Variants in PARD3B observed in about 807,000 individuals in gnomAD.
PARD3B encodes partitioning defective 3 homolog B.
PARD3B carries 103 observed loss-of-function variants against 130.2 expected under a neutral mutation model. The ratio of observed to expected loss-of-function variants is 0.79; its 90% CI spans 0.67 to 0.93. The LOEUF (loss-of-function observed/expected upper bound fraction) is 0.93, where lower values mean the gene tolerates loss of function less well. Ranked by LOEUF, PARD3B falls within the 40% of genes least tolerant of loss-of-function variation. The probability of loss-of-function intolerance (pLI) is 0.00; values close to 1 mark genes in which losing one functional copy is unlikely to be tolerated. For synonymous variants in PARD3B, 583 were observed against 553.2 expected (o/e 1.05, Z -0.76); for missense variants, 1,609 against 1,499.2 (o/e 1.07, Z -1.21).
At chr2:204,957,043 A>T (rs536008838) in intron 2 of PARD3B, among the ~76,000 whole-genome samples, 1 of 152,220 alleles carries the variant, frequency 6.6e-6, no homozygotes, top group Non-Finnish European at 1.5e-5. Flanking sequence ...TGTGTATTAG[A>T]TGTGAGTCGT....
intron 21 of PARD3B, among the ~76,000 whole-genome samples, chr2:205,513,604 A>G (rs939110280): frequency 6.6e-6 from 1 of 152,112 alleles, no homozygotes; most frequent in African/African-American, 2.4e-5. Flanking sequence ...ATTTTCACGT[A>G]TGTTCTGTCA....
At chr2:204,731,252 T>C (rs2039495088) in intron 2 of PARD3B, among the ~76,000 whole-genome samples, 1 of 152,232 alleles carries the variant, frequency 6.6e-6, no homozygotes, top group South Asian at 2.1e-4. Context: ...TCTTATTTAT[T>C]GTGGATTCCC....
intron 20 of PARD3B, among the ~76,000 whole-genome samples, chr2:205,497,233 G>A (rs372512514): frequency 3.5e-4 from 52 of 149,842 alleles, no homozygotes; most frequent in African/African-American, 1.2e-3. Context: ...AGAAAGGTAC[G>A]TGATTCCCAA....
intron 20 of PARD3B, among the ~76,000 whole-genome samples, chr2:205,491,809 C>T (rs2049726158): frequency 6.6e-6 from 1 of 152,164 alleles, no homozygotes; most frequent in Admixed American, 6.6e-5. Context: ...GACAAAAGGT[C>T]AGCCTCAGGT....
At chr2:205,388,281 G>T (rs939781956) in intron 18 of PARD3B, among the ~76,000 whole-genome samples, 5 of 152,204 alleles carry the variant, frequency 3.3e-5, no homozygotes, top group Admixed American at 2.0e-4. Context: ...TTCTGCATCT[G>T]CAGGAATTAC....
chr2:205,579,386 A>G (rs775817402), intron 22 of PARD3B, among the ~76,000 whole-genome samples: 4 of 152,158 alleles, frequency 2.6e-5, no homozygotes, highest in Non-Finnish European at 1.5e-5. Context: ...GTACCTTTCC[A>G]GTATCAGTTT....
At chr2:205,221,848 A>G (rs2038256211) in intron 15 of PARD3B, among the ~76,000 whole-genome samples, 1 of 152,142 alleles carries the variant, frequency 6.6e-6, no homozygotes, top group African/African-American at 2.4e-5. Flanking sequence ...GTGAGACTCT[A>G]AACAACTTAT....
intron 2 of PARD3B, among the ~76,000 whole-genome samples, chr2:204,838,451 T>G (rs13393275): frequency 0.18 from 26,687 of 151,612 alleles, 3,868 homozygotes; most frequent in African/African-American, 0.4. Flanking sequence ...CTGACCTCAG[T>G]TGATCCACCT....
At chr2:205,348,366 A>T (rs2043872009) in intron 18 of PARD3B, among the ~76,000 whole-genome samples, 1 of 152,238 alleles carries the variant, frequency 6.6e-6, no homozygotes, top group African/African-American at 2.4e-5. Flanking sequence ...CAACATGTGC[A>T]AAATCCATTC....
chr2:205,493,683 A>C (rs1575158129), intron 20 of PARD3B, among the ~76,000 whole-genome samples: 1 of 151,864 alleles, frequency 6.6e-6, no homozygotes, highest in East Asian at 1.9e-4. Flanking sequence ...ATTCCTGTTA[A>C]AGTTACAGGC....
intron 1 of PARD3B, among the ~76,000 whole-genome samples, chr2:204,584,898 A>G (rs1321007728): frequency 6.6e-6 from 1 of 152,232 alleles, no homozygotes; most frequent in African/African-American, 2.4e-5. Context: ...TTGAAAAGGC[A>G]AACTCCAAAT....
chr2:205,219,932 C>T (rs2038151542), intron 15 of PARD3B, among the ~76,000 whole-genome samples: 1 of 152,134 alleles, frequency 6.6e-6, no homozygotes, highest in Non-Finnish European at 1.5e-5. Context: ...TTACTTGTCA[C>T]GTTTGTAGGA....
chr2:205,223,313 T>G (rs10194988), intron 15 of PARD3B, among the ~76,000 whole-genome samples: 37,147 of 151,980 alleles, frequency 0.24, 5,177 homozygotes, highest in East Asian at 0.38. Flanking sequence ...CTTAGAAAAA[T>G]TATGAAAGTG....
intron 2 of PARD3B, among the ~76,000 whole-genome samples, chr2:204,705,267 T>C (rs563224070): frequency 6.6e-6 from 1 of 152,272 alleles, no homozygotes; most frequent in South Asian, 2.1e-4. Flanking sequence ...AGGGTCTCCC[T>C]TCATGAAGCC....
At chr2:205,080,921 A>T (rs140423062) in intron 4 of PARD3B, among the ~76,000 whole-genome samples, 4 of 152,026 alleles carry the variant, frequency 2.6e-5, no homozygotes, top group Non-Finnish European at 4.4e-5. Flanking sequence ...TGTTTATTTT[A>T]TGAAGACTTA....
At chr2:205,216,897 A>G (rs2037942610) in intron 15 of PARD3B, among the ~76,000 whole-genome samples, 1 of 152,156 alleles carries the variant, frequency 6.6e-6, no homozygotes, top group South Asian at 2.1e-4. Flanking sequence ...TGAAGGTACC[A>G]GAGGCCTAGG....
Position 205,550,970 on chromosome 2 carries a change from TATATATAC to T in PARD3B, c.3181-2352_3181-2345del, listed in dbSNP as rs1311677935. ...ATATATATGTGTATATATATATATA[TATATATAC>T]ACACACACACACACACACACACACA... On this transcript the variant is annotated intron_variant, in intron 21 of 22. Coordinates refer to ENST00000406610, the MANE Select transcript of PARD3B (RefSeq NM_001302769.2). The surrounding 1 kb of genome is among the most constrained non-coding windows in gnomAD (Gnocchi z 4.5). 6.7e-5 allele frequency among the ~76,000 whole-genome samples: 7 copies of T among 104,882 alleles called. No homozygotes were observed. The highest frequency in any genetic ancestry group is 2.3e-4 in the African/African-American group (7 of 30,776). 68.8% of individuals were successfully genotyped at this position (104,882 alleles called of 152,430 possible). A position where few individuals can be genotyped will look rare whatever the true frequency, so the allele number is the denominator to read the frequency against.
At position 205,473,694 on chromosome 2, in the gene PARD3B, A is replaced by ATATG. The variant is rs2048924639; in HGVS notation, c.3045-26199_3045-26198insGTAT. Among the ~76,000 whole-genome samples, 1 of 138,728 alleles carries ATATG rather than the reference A, an allele frequency of 7.2e-6. No homozygotes were observed. The highest frequency in any genetic ancestry group is 2.9e-5 in the African/African-American group (1 of 34,344). The allele number at this position is 138,728 out of a possible 152,430, so 91.0% of individuals were successfully genotyped here. On this transcript the variant is annotated intron_variant, in intron 20 of 22. Transcript: ENST00000406610. This position sits in a 1 kb window ranked among gnomAD's most constrained non-coding sequence, Gnocchi z 4.9. ...TGTGTGTGTGTGTATGTATATATAT[A>ATATG]TATATATATATATATACACACACAC... is the stretch of plus-strand genomic sequence containing the variant.
intron 10 of PARD3B, among the ~76,000 whole-genome samples, chr2:205,151,862 T>A (rs933514506): frequency 5.3e-5 from 8 of 152,226 alleles, no homozygotes; most frequent in African/African-American, 1.9e-4. Flanking sequence ...GCCTGGATGG[T>A]CTTTACAATT....
Sources: allele counts gnomAD v4.1 joint callset (sites outside exome capture counted in the v4.1 genomes callset), GRCh38; gene constraint gnomAD v4.1.1; non-coding constraint Gnocchi (gnomAD v3.1); transcripts MANE v1.5; gene names NCBI Gene and HGNC (gene_info 2026-07-23, HGNC 2026-07-21).